PAPPA2: variants seen among roughly 807,000 people sequenced by gnomAD.
PAPPA2 encodes the protein pappalysin-2.
In PAPPA2, 86 loss-of-function variants were observed where a neutral mutation model predicts 176.4. The ratio of observed to expected loss-of-function variants is 0.49; its 90% CI spans 0.41 to 0.58. The LOEUF (loss-of-function observed/expected upper bound fraction) is 0.58. Among genes scored for constraint, PAPPA2 ranks in the 20% least tolerant of loss-of-function variants. The pLI is 0.00. For synonymous variants in PAPPA2, 809 were observed against 852.2 expected (o/e 0.95, Z 0.88); for missense variants, 2,073 against 2,256.9 (o/e 0.92, Z 1.65).
intron 3 of PAPPA2, 144 bp downstream of exon 3, chr1:176,595,739 G>A: frequency 1.2e-6 from 1 of 801,732 alleles, no homozygotes; most frequent in Non-Finnish European, 1.9e-6. Flanking sequence ...AAGCTTTTGT[G>A]AAGTGCTAGG....
intron 1 of PAPPA2, among the ~76,000 whole-genome samples, chr1:176,544,410 C>A (rs1650514320): frequency 6.6e-6 from 1 of 152,156 alleles, no homozygotes; most frequent in Admixed American, 6.5e-5. Context: ...ACACTGATGG[C>A]CTATCTTAGA....
chr1:176,525,400 TGATACATTAG>T (rs1365769301), intron 1 of PAPPA2, among the ~76,000 whole-genome samples: 2 of 152,072 alleles, frequency 1.3e-5, no homozygotes, highest in East Asian at 1.9e-4. Context: ...GGATATAATG[TGATACATTAG>T]GATACATTAG....
chr1:176,692,472 C>T (rs114365139), intron 6 of PAPPA2, among the ~76,000 whole-genome samples, 154 bp downstream of exon 6: 1,564 of 152,318 alleles, frequency 0.01, 34 homozygotes, highest in African/African-American at 0.035. Context: ...GCTCTGTTCT[C>T]GTTGCTTTAG....
chr1:176,644,190 G>A (rs144733553), intron 3 of PAPPA2, among the ~76,000 whole-genome samples: 51 of 151,952 alleles, frequency 3.4e-4, no homozygotes, highest in Middle Eastern at 6.8e-3. Context: ...GTGGGCTTAC[G>A]AAAACTTAGC....
At chr1:176,543,042 C>A (rs553822065) in intron 1 of PAPPA2, among the ~76,000 whole-genome samples, 16 of 152,290 alleles carry the variant, frequency 1.1e-4, no homozygotes, top group African/African-American at 3.6e-4. Flanking sequence ...CCTTTCCTTG[C>A]AGTTTCAAAG....
chr1:176,673,278 C>T (rs1166561879), intron 4 of PAPPA2, among the ~76,000 whole-genome samples: 2 of 152,118 alleles, frequency 1.3e-5, no homozygotes, highest in African/African-American at 2.4e-5. Flanking sequence ...TCATTCTAGC[C>T]TTCCTGGTAG....
In PAPPA2 at chr1:176,555,482, C is replaced by A. The variant is rs571623484; in HGVS notation, c.-841C>A. 6.6e-6 allele frequency: 1 copy of A among 152,216 alleles called. No homozygotes were observed. Among genetic ancestry groups the A allele is most frequent in the African/African-American group, 2.4e-5 (1 of 41,510 alleles). The allele number at this position is 152,216 out of a possible 1,614,324, so 9.4% of individuals were successfully genotyped here. ...GGTTATTAGAACAGCAAACTGGCAC[C>A]CCAAAGAACTTTACGGAGACTTGCA... is the stretch of plus-strand genomic sequence containing the variant. On this transcript the variant is annotated 5_prime_UTR_variant, in exon 2 of 23. Transcript: ENST00000367662.
At position 176,791,373 on chromosome 1, in the gene PAPPA2, C is replaced by A. The variant is rs761547111; in HGVS notation, c.4911C>A (p.Gly1637=). The stretch of plus-strand genomic sequence containing the variant: ...TTCCCATCCTCTGCACTAAAGAGGG[C>A]CTGTGGACCCAGGAGTTTAAGTTGT... The part of the protein sequence containing the change: ...EKLPILCTKE[G]LWTQEFKLCE... Residue 1637 remains glycine, a synonymous_variant, in exon 19 of 23, where the codon GGC becomes GGA. Coordinates refer to ENST00000367662, the MANE Select transcript of PAPPA2 (RefSeq NM_020318.3). The A allele has an allele frequency of 7.5e-6, 12 of 1,610,580 alleles. No homozygotes were observed. The highest frequency in any genetic ancestry group is 9.3e-6 in the Non-Finnish European group (11 of 1,177,210).
At chr1:176,543,493 C>T (rs1212078391) in intron 1 of PAPPA2, among the ~76,000 whole-genome samples, 3 of 152,050 alleles carry the variant, frequency 2.0e-5, no homozygotes, top group African/African-American at 7.2e-5. Context: ...TTTCTGGAGC[C>T]TCAGACTCCC....
chr1:176,604,817 ATG>A (rs1654523683), intron 3 of PAPPA2, among the ~76,000 whole-genome samples: 1 of 152,210 alleles, frequency 6.6e-6, no homozygotes, highest in African/African-American at 2.4e-5. Flanking sequence ...ATATATCTGT[ATG>A]TAGATGGAAA....
chr1:176,730,004 G>A (rs1463028982), intron 12 of PAPPA2, among the ~76,000 whole-genome samples: 1 of 151,824 alleles, frequency 6.6e-6, no homozygotes, highest in Non-Finnish European at 1.5e-5. Flanking sequence ...CCTTCGTGAA[G>A]CAAGACTACA....
chr1:176,676,122 T>C (rs1433353472), intron 4 of PAPPA2, among the ~76,000 whole-genome samples: 1 of 151,996 alleles, frequency 6.6e-6, no homozygotes, highest in Non-Finnish European at 1.5e-5. Context: ...CTCTCATACA[T>C]TGATGGTGGG....
At chr1:176,570,408 G>A (rs1217471784) in intron 2 of PAPPA2, among the ~76,000 whole-genome samples, 7 of 152,166 alleles carry the variant, frequency 4.6e-5, no homozygotes. Context: ...TGCTTCTTGA[G>A]CACAAAGTAG....
chr1:176,793,474 T>C, intron 19 of PAPPA2, 86 bp from the exon 20 acceptor site: 1 of 1,195,772 alleles, frequency 8.4e-7, no homozygotes, highest in Non-Finnish European at 1.2e-6. Flanking sequence ...AGTTGTTCTT[T>C]AAAAACTCAA....
intron 14 of PAPPA2, among the ~76,000 whole-genome samples, chr1:176,754,017 GT>G (rs143392724): frequency 0.064 from 8,708 of 136,604 alleles, 326 homozygotes; most frequent in Admixed American, 0.11. Flanking sequence ...CTTTTCAACT[GT>G]TTTTTTTTTT....
At chr1:176,837,469 G>A (rs948534845) in intron 21 of PAPPA2, among the ~76,000 whole-genome samples, 1 of 75,382 alleles carries the variant, frequency 1.3e-5, no homozygotes, top group African/African-American at 5.9e-5. Context: ...TCTATATGTT[G>A]TTAAAAGGCA....
At chr1:176,509,831 C>T (rs1192154057) in intron 1 of PAPPA2, among the ~76,000 whole-genome samples, 5 of 150,904 alleles carry the variant, frequency 3.3e-5, no homozygotes, top group Non-Finnish European at 7.4e-5. Context: ...GGCAAAACCC[C>T]GTTTCTACAA....
At chr1:176,492,376 T>C (rs1355727772) in intron 1 of PAPPA2, among the ~76,000 whole-genome samples, 1 of 152,216 alleles carries the variant, frequency 6.6e-6, no homozygotes, top group Admixed American at 6.5e-5. Flanking sequence ...AATAGTTGTT[T>C]TGATGTTGAT....
chr1:176,836,917 A>G (rs1416723280), intron 21 of PAPPA2: 1 of 152,168 alleles, frequency 6.6e-6, no homozygotes, highest in East Asian at 1.9e-4. Context: ...CCTGGCACAT[A>G]TAGGTGTGGA....
Sources: gnomAD v4.1 joint callset for allele counts (sites outside exome capture counted in the v4.1 genomes callset) on GRCh38, gnomAD v4.1.1 for gene constraint, MANE v1.5 for transcripts, NCBI Gene and HGNC (gene_info 2026-07-23, HGNC 2026-07-21) for gene names.